Variants in MS4A8 observed in about 807,000 individuals in gnomAD.
The protein encoded by MS4A8 is membrane-spanning 4-domains subfamily A member 8.
Under a neutral mutation model 23.7 loss-of-function variants are expected in MS4A8, and 27 were observed. The observed-to-expected ratio is 1.14, with a 90% CI of 0.84 to 1.57. MS4A8 has a LOEUF of 1.57. Among genes scored for constraint, MS4A8 ranks in the 40% most tolerant of loss-of-function variants. The pLI, the probability that MS4A8 is intolerant of heterozygous loss-of-function variation, is 0.00. For missense variants in MS4A8, 301 were observed against 311.4 expected (o/e 0.97, Z 0.25); for synonymous variants, 138 against 126.3 (o/e 1.09, Z -0.62).
Position 60,700,904 on chromosome 11 carries a change from T to C in MS4A8, c.44T>C (p.Leu15Ser). The C allele has an allele frequency of 1.9e-6, 3 of 1,614,226 alleles. No homozygotes were observed. The Middle Eastern group carries it at 4.9e-4, about 266-fold the overall frequency. Residue 15 changes from leucine to serine, a missense_variant, in exon 2 of 7, where the codon TTG (leucine) becomes TCG (serine). Coordinates refer to ENST00000300226, the MANE Select transcript of MS4A8 (RefSeq NM_031457.2). ...TSAVPVANSV[L>S]VVAPHNGYPV... ...GCAGTTCCGGTGGCCAATTCTGTGT[T>C]GGTGGTGGCACCCCACAATGGTTAT... is the stretch of plus-strand genomic sequence containing the variant.
chr11:60,710,431 G>T (rs985243603), intron 5 of MS4A8, among the ~76,000 whole-genome samples: 2 of 152,086 alleles, frequency 1.3e-5, no homozygotes, highest in African/African-American at 4.8e-5. Flanking sequence ...ACAAAACCTT[G>T]GAGTCGTCAT....
At chr11:60,703,877 T>C (rs2088228766) in intron 3 of MS4A8, among the ~76,000 whole-genome samples, 1 of 152,150 alleles carries the variant, frequency 6.6e-6, no homozygotes, top group Non-Finnish European at 1.5e-5. Context: ...TAGTCTCCTC[T>C]TCCTATGAGG....
chr11:60,705,998 A>G (rs529516419), intron 3 of MS4A8, among the ~76,000 whole-genome samples: 2 of 152,266 alleles, frequency 1.3e-5, no homozygotes, highest in East Asian at 1.9e-4. Context: ...CAAGTACTTC[A>G]TCTGTTGGGG....
At chr11:60,708,014 T>C (rs1489653597) in intron 4 of MS4A8, among the ~76,000 whole-genome samples, 1 of 151,808 alleles carries the variant, frequency 6.6e-6, no homozygotes, top group African/African-American at 2.4e-5. Flanking sequence ...ATTTTTTGTA[T>C]TTTTTGGTAT....
chr11:60,710,560 C>T (rs1419576624), intron 5 of MS4A8, among the ~76,000 whole-genome samples: 1 of 152,168 alleles, frequency 6.6e-6, no homozygotes, highest in Non-Finnish European at 1.5e-5. Context: ...CCCACGCTGG[C>T]CTGAGCCACC....
intron 2 of MS4A8, among the ~76,000 whole-genome samples, chr11:60,702,558 A>G (rs1487505679): frequency 6.6e-6 from 1 of 152,120 alleles, no homozygotes; most frequent in African/African-American, 2.4e-5. Context: ...ACCCACCATC[A>G]TGCCGAGCTA....
At chr11:60,705,048 C>T (rs1466363684) in intron 3 of MS4A8, among the ~76,000 whole-genome samples, 1 of 152,158 alleles carries the variant, frequency 6.6e-6, no homozygotes, top group East Asian at 1.9e-4. Flanking sequence ...TAGGTGCCAG[C>T]CCAAGTCCCT....
At chr11:60,711,587 C>T (rs759916512) in intron 5 of MS4A8, among the ~76,000 whole-genome samples, 12 of 152,170 alleles carry the variant, frequency 7.9e-5, no homozygotes, top group South Asian at 2.1e-4. Context: ...CAGCTACTCC[C>T]GTCCACTGCG....
Position 60,711,893 on chromosome 11 carries a change from A to C in MS4A8, c.534+3112A>C, listed in dbSNP as rs547254659. Reference sequence around the variant, plus strand: ...ATGCCCACCACCCATTCCACCTTCAAGCCTCAGTCATCCCATCTGAACATG... The same window carrying C: ...ATGCCCACCACCCATTCCACCTTCACGCCTCAGTCATCCCATCTGAACATG... On this transcript the variant is annotated intron_variant, in intron 5 of 6. Transcript: ENST00000300226. The C allele has an allele frequency of 6.3e-4, 289 of 455,964 alleles. 1 individual carries two copies. The highest frequency in any genetic ancestry group is 4.2e-3 in the South Asian group (274 of 64,484). 28.2% of individuals were successfully genotyped at this position (455,964 alleles called of 1,614,324 possible). A position where few individuals can be genotyped will look rare whatever the true frequency, so the allele number is the denominator to read the frequency against.
At chr11:60,705,729 C>T (rs949556459) in intron 3 of MS4A8, among the ~76,000 whole-genome samples, 2 of 152,228 alleles carry the variant, frequency 1.3e-5, no homozygotes, top group African/African-American at 2.4e-5. Context: ...TATGTCCACT[C>T]TATGGCACAT....
Position 60,708,562 on chromosome 11 carries a change from G to C in MS4A8, c.403-88G>C, listed in dbSNP as rs145836490. On this transcript the variant is annotated intron_variant, in intron 4 of 6. Transcript: ENST00000300226. Reference sequence around the variant, plus strand: ...TATGTTAACACAATTTTAGAAATTGGGGGGAAAAAGAAACACTTGTTGGGT... The same window carrying C: ...TATGTTAACACAATTTTAGAAATTGCGGGGAAAAAGAAACACTTGTTGGGT... 17 of 1,357,888 alleles carry C rather than the reference G, an allele frequency of 1.3e-5. No individual in the cohort carries two copies. In the African/African-American group the frequency reaches 2.4e-4, roughly 19 times the overall value. The allele number at this position is 1,357,888 out of a possible 1,614,324, so 84.1% of individuals were successfully genotyped here.
chr11:60,704,855 AACAAAC>A (rs1406786680), intron 3 of MS4A8, among the ~76,000 whole-genome samples: 5 of 6,716 alleles, frequency 7.4e-4, no homozygotes, highest in Non-Finnish European at 1.9e-3. Context: ...CACACATACA[AACAAAC>A]ACACATACAC....
chr11:60,704,216 A>G (rs367605643), intron 3 of MS4A8, among the ~76,000 whole-genome samples: 4 of 143,002 alleles, frequency 2.8e-5, no homozygotes, highest in East Asian at 4.1e-4. Flanking sequence ...CCCCTCCCGG[A>G]TTCAAGCAAT....
Position 60,708,644 on chromosome 11 carries a change from C to T in MS4A8, c.403-6C>T. Reference sequence around the variant, plus strand: ...CGCCCATCCTGACCCTCTGTGTCTTCTTCAGCTGTCTGGCAGTTTGGGCTT... The same window carrying T: ...CGCCCATCCTGACCCTCTGTGTCTTTTTCAGCTGTCTGGCAGTTTGGGCTT... On this transcript the variant is annotated splice_polypyrimidine_tract_variant and splice_region_variant and intron_variant, in intron 4 of 6. Transcript: ENST00000300226. 6.6e-7 allele frequency: 1 copy of T among 1,519,458 alleles called. No individual in the cohort carries two copies. Among genetic ancestry groups the T allele is most frequent in the South Asian group, 1.4e-5 (1 of 73,192 alleles). The allele number at this position is 1,519,458 out of a possible 1,614,324, so 94.1% of individuals were successfully genotyped here. A position where few individuals can be genotyped will look rare whatever the true frequency, so the allele number is the denominator to read the frequency against.
At chr11:60,708,613 T>A in intron 4 of MS4A8, 37 bp from the exon 5 acceptor site, 2 of 1,481,038 alleles carry the variant, frequency 1.4e-6, no homozygotes, top group African/African-American at 2.9e-5. Context: ...CTATAACAGC[T>A]TTTCTCGCCC....
At chr11:60,707,094 A>G in intron 4 of MS4A8, 47 bp downstream of exon 4, 1 of 1,544,846 alleles carries the variant, frequency 6.5e-7, no homozygotes, top group Non-Finnish European at 9.0e-7. Context: ...GACCTATAGA[A>G]TGGTGTCACA....
chr11:60,708,626 C>T (rs766674501), intron 4 of MS4A8, 24 bp from the exon 5 acceptor site: 22 of 1,495,220 alleles, frequency 1.5e-5, no homozygotes, highest in South Asian at 2.9e-5. Context: ...TCTCGCCCAT[C>T]CTGACCCTCT....
chr11:60,710,216 C>T (rs2088288998), intron 5 of MS4A8, among the ~76,000 whole-genome samples: 1 of 152,218 alleles, frequency 6.6e-6, no homozygotes, highest in Admixed American at 6.5e-5. Context: ...CAACTTGAAA[C>T]ACCTTGTCTA....
rs1324780623 is a variant in MS4A8, at chr11:60,715,596, AAGAC to A, written c.*186_*189del. 5 of 593,932 alleles carry A rather than the reference AAGAC, an allele frequency of 8.4e-6. No individual in the cohort carries two copies. Among genetic ancestry groups the A allele is most frequent in the Non-Finnish European group, 1.5e-5 (5 of 335,760 alleles). 36.8% of individuals were successfully genotyped at this position (593,932 alleles called of 1,614,324 possible). A position where few individuals can be genotyped will look rare whatever the true frequency, so the allele number is the denominator to read the frequency against. On this transcript the variant is annotated 3_prime_UTR_variant, in exon 7 of 7. Coordinates refer to ENST00000300226, the MANE Select transcript of MS4A8 (RefSeq NM_031457.2). ...ACCATGCTGTTTCTCTATCAAGAAG[AAGAC>A]AGAGATTTTAAACAGATGTTAACCA...
Sources: gnomAD v4.1 joint callset for allele counts (sites outside exome capture counted in the v4.1 genomes callset) on GRCh38, gnomAD v4.1.1 for gene constraint, MANE v1.5 for transcripts, NCBI Gene and HGNC (gene_info 2026-07-23, HGNC 2026-07-21) for gene names.